Variants in MREG observed in about 807,000 individuals in gnomAD.
MREG encodes the protein dilute suppressor protein homolog.
A neutral mutation model predicts 28.5 loss-of-function variants in MREG; 31 were observed. The ratio of observed to expected loss-of-function variants is 1.09; its 90% confidence interval spans 0.82 to 1.47. The LOEUF is 1.47. MREG is among the 40% of genes most tolerant of loss of function. The probability of loss-of-function intolerance (pLI) is 0.00; values close to 1 mark genes in which losing one functional copy is unlikely to be tolerated. For missense variants in MREG, 256 were observed against 257.4 expected, an observed-to-expected ratio of 0.99 and a Z score of 0.04; for synonymous variants, 106 against 95.2, an observed-to-expected ratio of 1.11 and a Z score of -0.66.
chr2:216,017,801 C>T (rs1018343901), upstream of MREG, among the ~76,000 whole-genome samples: 1 of 152,066 alleles, frequency 6.6e-6, no homozygotes, highest in East Asian at 1.9e-4. Flanking sequence ...TTTTTTACGA[C>T]TTCTGGGAGT....
chr2:215,989,788 G>A (rs1380114968), intron 2 of MREG, among the ~76,000 whole-genome samples: 1 of 151,574 alleles, frequency 6.6e-6, no homozygotes, highest in Non-Finnish European at 1.5e-5. Context: ...GCAGAAGAAA[G>A]GATATCAGAG....
intron 1 of MREG, among the ~76,000 whole-genome samples, chr2:215,998,058 A>G (rs919630530): frequency 6.6e-6 from 1 of 152,142 alleles, no homozygotes; most frequent in African/African-American, 2.4e-5. Flanking sequence ...TGATCCCAAC[A>G]CTTTGGGAGG....
At chr2:216,015,141 C>CGCGCATG (rs1559200228), upstream of MREG, among the ~76,000 whole-genome samples, 10 of 48,198 alleles carry the variant, frequency 2.1e-4, no homozygotes, top group African/African-American at 1.8e-3. Context: ...GCGCGTGCGT[C>CGCGCATG]TGTGCGTGCG....
chr2:215,972,232 A>G (rs2105990911), intron 2 of MREG, among the ~76,000 whole-genome samples: 1 of 152,348 alleles, frequency 6.6e-6, no homozygotes, highest in African/African-American at 2.4e-5. Flanking sequence ...CTTCAGCAGC[A>G]TTATCCAAAG....
intron 2 of MREG, among the ~76,000 whole-genome samples, chr2:215,963,434 T>TTA: frequency 9.6e-6 from 1 of 104,252 alleles, no homozygotes; most frequent in Admixed American, 9.9e-5. Flanking sequence ...AGAACCCATC[T>TTA]CAAAAAAAAA....
Position 215,943,067 on chromosome 2 carries a change from T to C in MREG, c.*1796A>G, listed in dbSNP as rs1692223704. Reference sequence around the variant, plus strand: ...GAAATATTTTAAACATTGTGGACGCTACCAAAAAGCTCATTGGTATATAAA... The same window carrying C: ...GAAATATTTTAAACATTGTGGACGCCACCAAAAAGCTCATTGGTATATAAA... On this transcript the variant is annotated 3_prime_UTR_variant, in exon 5 of 5. Transcript: ENST00000263268. 1 of 162,224 alleles carries C rather than the reference T, an allele frequency of 6.2e-6. No homozygotes were observed. Among genetic ancestry groups the C allele is most frequent in the Admixed American group, 6.2e-5 (1 of 16,166 alleles). 10.0% of individuals were successfully genotyped at this position (162,224 alleles called of 1,614,324 possible).
At position 216,013,270 on chromosome 2, in the gene MREG, C is replaced by T. The variant is rs766920248; in HGVS notation, c.58G>A (p.Glu20Lys). 14 of 1,549,748 alleles carry T rather than the reference C, an allele frequency of 9.0e-6. No individual in the cohort carries two copies. The South Asian group carries it at 1.7e-4, about 18-fold the overall frequency. ...TCCTTCTCAGGCAGGGCGCGCTCCTCCAAGCACTCGCACCCGCAGCAGCAG... is the reference window on the plus strand; with the variant it reads ...TCCTTCTCAGGCAGGGCGCGCTCCTTCAAGCACTCGCACCCGCAGCAGCAG... Reference protein sequence around the residue: ...VCCCCGCECLEERALPEKEPL... With the variant: ...VCCCCGCECLKERALPEKEPL... The change falls in exon 1 of 5, where the codon GAG becomes AAG. Residue 20 changes from glutamate (E) to lysine (K), a missense_variant. By Grantham distance (56) the Glu-to-Lys change is moderately conservative (BLOSUM62 1). Transcript: ENST00000263268.
upstream of MREG, among the ~76,000 whole-genome samples, chr2:216,015,566 C>T (rs1559200530): frequency 6.6e-6 from 1 of 152,076 alleles, no homozygotes; most frequent in Admixed American, 6.5e-5. Context: ...GTAGAGGGAA[C>T]GATATGGTCT....
rs1226898540 is a variant in MREG at position 216,013,304 on chromosome 2, T to C, written c.24A>G (p.Arg8=). 1.4e-5 allele frequency: 22 copies of C among 1,549,166 alleles called. No homozygotes were observed. The highest frequency in any genetic ancestry group is 1.9e-5 in the Non-Finnish European group (22 of 1,146,492). The change falls in exon 1 of 5, where the codon AGA becomes AGG. Residue 8 remains arginine (R), a synonymous_variant. Transcript: ENST00000263268. Reference sequence around the variant, plus strand: ...CGCACCCGCAGCAGCAGCACACGGTTCTCAGCCAGTCCCTCAGCCCCATGG... The same window carrying C: ...CGCACCCGCAGCAGCAGCACACGGTCCTCAGCCAGTCCCTCAGCCCCATGG... MGLRDWL[R]TVCCCCGCEC...
intron 2 of MREG, among the ~76,000 whole-genome samples, chr2:215,949,094 T>C (rs1015253158): frequency 2.0e-5 from 3 of 147,990 alleles, no homozygotes. Context: ...CTACTAATAA[T>C]AATAATAATA....
At chr2:216,007,665 A>G (rs1053759894) in intron 1 of MREG, among the ~76,000 whole-genome samples, 1 of 151,550 alleles carries the variant, frequency 6.6e-6, no homozygotes, top group African/African-American at 2.4e-5. Flanking sequence ...GCTGACCTCA[A>G]GTGATCCACC....
chr2:215,997,348 G>C (rs1217295694), intron 1 of MREG, among the ~76,000 whole-genome samples: 1 of 152,170 alleles, frequency 6.6e-6, no homozygotes, highest in African/African-American at 2.4e-5. Flanking sequence ...TGGTACCTGG[G>C]TGTGGACTTA....
chr2:215,978,180 A>G (rs1397018440), intron 2 of MREG, among the ~76,000 whole-genome samples: 1 of 152,210 alleles, frequency 6.6e-6, no homozygotes, highest in African/African-American at 2.4e-5. Flanking sequence ...AATAGATGCA[A>G]TAAAAAATGA....
chr2:215,967,021 G>A (rs777647792), intron 2 of MREG, among the ~76,000 whole-genome samples: 4 of 152,120 alleles, frequency 2.6e-5, no homozygotes, highest in African/African-American at 9.7e-5. Flanking sequence ...TCTTACAAAC[G>A]CTGATGCCAA....
chr2:215,992,395 C>T (rs1693741060), intron 2 of MREG, among the ~76,000 whole-genome samples: 1 of 152,112 alleles, frequency 6.6e-6, no homozygotes, highest in Admixed American at 6.5e-5. Flanking sequence ...TGGAATGTAT[C>T]TCAAAATAAT....
chr2:215,984,518 CAAAAAAAAA>C (rs375220091), intron 2 of MREG, among the ~76,000 whole-genome samples: 20 of 68,040 alleles, frequency 2.9e-4, no homozygotes, highest in African/African-American at 8.9e-4. Context: ...ACCTTGTCAC[CAAAAAAAAA>C]AAAAAAAAAA....
chr2:215,973,594 G>A (rs80003446), intron 2 of MREG, among the ~76,000 whole-genome samples: 4,423 of 152,200 alleles, frequency 0.029, 198 homozygotes, highest in African/African-American at 0.097. Context: ...GGCATGTCCT[G>A]GGCTTTTCAA....
At chr2:215,948,378 C>T (rs12471261) in intron 2 of MREG, among the ~76,000 whole-genome samples, 49,401 of 151,986 alleles carry the variant, frequency 0.33, 8,550 homozygotes, top group Non-Finnish European at 0.39. Flanking sequence ...CAAGTTTGAA[C>T]AATTTCTCCT....
At chr2:215,967,631 T>C (rs1298441597) in intron 2 of MREG, among the ~76,000 whole-genome samples, 3 of 152,174 alleles carry the variant, frequency 2.0e-5, no homozygotes, top group Admixed American at 6.5e-5. Flanking sequence ...CACACAGTCA[T>C]TTGCGCCAAG....
Sources: allele counts gnomAD v4.1 joint callset (sites outside exome capture counted in the v4.1 genomes callset), GRCh38; gene constraint gnomAD v4.1.1; transcripts MANE v1.5; gene names NCBI Gene and HGNC (gene_info 2026-07-23, HGNC 2026-07-21).